Variants in CHCHD6 observed in about 807,000 individuals in gnomAD.
The protein encoded by CHCHD6 is coiled-coil-helix-coiled-coil-helix domain containing 6, also known as MICOS complex subunit MIC25.
A neutral mutation model predicts 32.3 loss-of-function variants in CHCHD6; 28 were observed. That is an observed-to-expected ratio of 0.87 (90% CI 0.64 to 1.19). The LOEUF is 1.19. CHCHD6 is among the 50% of genes most tolerant of loss of function. The pLI, the probability that CHCHD6 is intolerant of heterozygous loss-of-function variation, is 0.00. For missense variants in CHCHD6, 333 were observed against 307.0 expected (o/e 1.08, Z -0.63); for synonymous variants, 122 against 117.5 (o/e 1.04, Z -0.25).
chr3:126,780,679 G>A (rs1049006063), intron 4 of CHCHD6, among the ~76,000 whole-genome samples: 6 of 152,180 alleles, frequency 3.9e-5, no homozygotes, highest in Non-Finnish European at 8.8e-5. Flanking sequence ...CCTCTGTGGT[G>A]CTGTTTCAGG....
chr3:126,752,066 T>C (rs1936748773), intron 4 of CHCHD6, among the ~76,000 whole-genome samples: 1 of 152,086 alleles, frequency 6.6e-6, no homozygotes, highest in African/African-American at 2.4e-5. Context: ...TGTGTGTGAG[T>C]AGGGGCACTC....
At chr3:126,946,941 G>A (rs1265163225) in intron 6 of CHCHD6, among the ~76,000 whole-genome samples, 1 of 152,252 alleles carries the variant, frequency 6.6e-6, no homozygotes. Context: ...GATGTCAGCA[G>A]TGATAATAGG....
At chr3:126,842,810 CT>C (rs63135461) in intron 4 of CHCHD6, among the ~76,000 whole-genome samples, 2,194 of 94,638 alleles carry the variant, frequency 0.023, 24 homozygotes, top group African/African-American at 0.065. Context: ...CACTGAAATT[CT>C]TTTTTTTTTT....
intron 6 of CHCHD6, among the ~76,000 whole-genome samples, chr3:126,948,037 C>T (rs577387371): frequency 6.6e-6 from 1 of 152,198 alleles, no homozygotes; most frequent in Non-Finnish European, 1.5e-5. Context: ...TGGGCCCAGC[C>T]ACCATGCCGT....
chr3:126,791,966 A>G (rs965481767), intron 4 of CHCHD6, among the ~76,000 whole-genome samples: 2 of 152,222 alleles, frequency 1.3e-5, no homozygotes, highest in African/African-American at 4.8e-5. Context: ...AAGTAGAATT[A>G]TATAGTATTT....
intron 5 of CHCHD6, among the ~76,000 whole-genome samples, chr3:126,906,280 C>T (rs1159314421): frequency 1.3e-5 from 2 of 151,926 alleles, no homozygotes; most frequent in South Asian, 2.1e-4. Flanking sequence ...GCAGCATCCT[C>T]CAGGCCTCCA....
intron 6 of CHCHD6, among the ~76,000 whole-genome samples, chr3:126,952,109 TG>T (rs2078724146): frequency 6.6e-6 from 1 of 152,238 alleles, no homozygotes; most frequent in African/African-American, 2.4e-5. Context: ...TTTAGAAATC[TG>T]TGGCCTGCAT....
At chr3:126,901,637 C>T (rs1421706617) in intron 5 of CHCHD6, among the ~76,000 whole-genome samples, 5 of 152,198 alleles carry the variant, frequency 3.3e-5, no homozygotes, top group Admixed American at 1.3e-4. Context: ...AGGAGGCTTC[C>T]GACTCAGACT....
At chr3:126,756,022 C>T (rs536012393) in intron 4 of CHCHD6, among the ~76,000 whole-genome samples, 57 of 152,154 alleles carry the variant, frequency 3.7e-4, no homozygotes, top group Admixed American at 2.8e-3. Flanking sequence ...TGTCCAGGGC[C>T]GTGCAGTGGG....
intron 3 of CHCHD6, 138 bp downstream of exon 3, chr3:126,730,768 C>G (rs1402995389): frequency 1.5e-6 from 1 of 653,232 alleles, no homozygotes; most frequent in African/African-American, 1.8e-5. Context: ...GAAGGACAAC[C>G]CTATGGTATA....
intron 5 of CHCHD6, among the ~76,000 whole-genome samples, chr3:126,872,644 T>C (rs2077491302): frequency 6.6e-6 from 1 of 152,198 alleles, no homozygotes; most frequent in South Asian, 2.1e-4. Flanking sequence ...GCATAGAACC[T>C]TCCTTGCCTG....
chr3:126,939,241 G>GT (rs1390408040), intron 6 of CHCHD6, among the ~76,000 whole-genome samples: 1 of 152,116 alleles, frequency 6.6e-6, no homozygotes, highest in Non-Finnish European at 1.5e-5. Flanking sequence ...AGTGCCAGGG[G>GT]TTTGGGCTTT....
At chr3:126,847,888 T>G (rs1941345125) in intron 4 of CHCHD6, among the ~76,000 whole-genome samples, 1 of 152,122 alleles carries the variant, frequency 6.6e-6, no homozygotes, top group Admixed American at 6.5e-5. Context: ...CTCTCCAGTC[T>G]TTCCTTCCTC....
chr3:126,767,630 A>G (rs1937431587), intron 4 of CHCHD6, among the ~76,000 whole-genome samples: 1 of 152,082 alleles, frequency 6.6e-6, no homozygotes, highest in Non-Finnish European at 1.5e-5. Context: ...GGTGCTTGTG[A>G]AGGTTTATTA....
chr3:126,763,924 T>G (rs1269706073), intron 4 of CHCHD6, among the ~76,000 whole-genome samples: 1 of 152,174 alleles, frequency 6.6e-6, no homozygotes, highest in East Asian at 1.9e-4. Flanking sequence ...ATGTACATAA[T>G]GCTGAAATTG....
chr3:126,737,252 G>A (rs989128828), intron 4 of CHCHD6, among the ~76,000 whole-genome samples: 1 of 152,018 alleles, frequency 6.6e-6, no homozygotes, highest in Non-Finnish European at 1.5e-5. Flanking sequence ...CCTTGGAGGC[G>A]GAGGTTGCAG....
At chr3:126,732,825 T>TTGG (rs1935870367) in intron 3 of CHCHD6, among the ~76,000 whole-genome samples, 2 of 152,206 alleles carry the variant, frequency 1.3e-5, no homozygotes, top group Admixed American at 6.5e-5. Context: ...CCAGGTCTCC[T>TTGG]CCTGTTCCTG....
In CHCHD6 at chr3:126,704,336, G is replaced by A; in HGVS notation, c.24G>A (p.Glu8=). 6.2e-7 allele frequency: 1 copy of A among 1,602,550 alleles called. No homozygotes were observed. The highest frequency in any genetic ancestry group is 8.5e-7 in the Non-Finnish European group (1 of 1,176,286). Residue 8 remains glutamate, a synonymous_variant, in exon 1 of 8, where the codon GAG becomes GAA. Transcript: ENST00000290913. ...CCATGGGGAGCACGGAGAGCAGCGA[G>A]GGCCGCAGGGTGTCCTTCGGAGTGG... MGSTESS[E]GRRVSFGVDE... is the part of the protein sequence containing the mutation.
At position 126,744,888 on chromosome 3, in the gene CHCHD6, A is replaced by T. The variant is rs145328483; in HGVS notation, c.411+11666A>T. On this transcript the variant is annotated intron_variant, in intron 4 of 7. Transcript: ENST00000290913. ...TTTTTAGTAGAGACAGGGTTTCACCATGTTGGCCAGGCTGGGACCTCCTGT... is the reference window on the plus strand; with the variant it reads ...TTTTTAGTAGAGACAGGGTTTCACCTTGTTGGCCAGGCTGGGACCTCCTGT... Among the ~76,000 whole-genome samples, 20 of 152,294 alleles carry T rather than the reference A, an allele frequency of 1.3e-4. No homozygotes were observed. In the East Asian group the frequency reaches 3.9e-3, roughly 29 times the overall value.
Sources: allele counts gnomAD v4.1 joint callset (sites outside exome capture counted in the v4.1 genomes callset), GRCh38; gene constraint gnomAD v4.1.1; transcripts MANE v1.5; gene names NCBI Gene and HGNC (gene_info 2026-07-23, HGNC 2026-07-21).